The following ENG variants were observed in gnomAD, a reference collection of about 807,000 sequenced individuals.
ENG encodes the protein CD105 antigen.
Under a neutral mutation model 71.0 loss-of-function variants are expected in ENG, and 17 were observed. The observed-to-expected ratio is 0.24, with a 90% confidence interval of 0.16 to 0.36. The LOEUF (loss-of-function observed/expected upper bound fraction) is 0.36, where lower values mean the gene tolerates loss of function less well. ENG is among the 10% of genes least tolerant of loss of function. The pLI is 1.00. For synonymous variants in ENG, 360 were observed against 366.9 expected (o/e 0.98, Z 0.21); for missense variants, 749 against 868.3 (o/e 0.86, Z 1.73).
intron 2 of ENG, among the ~76,000 whole-genome samples, chr9:127,835,251 G>A (rs533791532): frequency 2.6e-5 from 4 of 151,158 alleles, no homozygotes; most frequent in Non-Finnish European, 5.9e-5. Flanking sequence ...CACCCACCTC[G>A]GCCTCCCAAA....
At position 127,818,781 on chromosome 9, in the gene ENG, A is replaced by G; in HGVS notation, c.1363T>C (p.Tyr455His). Residue 455 changes from tyrosine to histidine, a missense_variant, in exon 11 of 15, where the codon TAC (tyrosine) becomes CAC (histidine). Physicochemically the swap from Tyr to His is moderately conservative, Grantham distance 83 (BLOSUM62 2). Coordinates refer to ENST00000373203, the MANE Select transcript of ENG (RefSeq NM_001114753.3). The stretch of plus-strand genomic sequence containing the variant: ...GCCTGGAGGAAGTGTGGGCTGAGGT[A>G]GAGGCCCAGCTGGAAAGAGAGGCTG... ...MDSLSFQLGLYLSPHFLQASN... is the reference protein window; with the variant it reads ...MDSLSFQLGLHLSPHFLQASN... The G allele has an allele frequency of 1.9e-6, 3 of 1,614,104 alleles. No individual in the cohort carries two copies. The highest frequency in any genetic ancestry group is 2.5e-6 in the Non-Finnish European group (3 of 1,180,008).
At chr9:127,831,393 T>G (rs1019671869) in intron 2 of ENG, among the ~76,000 whole-genome samples, 2 of 149,948 alleles carry the variant, frequency 1.3e-5, no homozygotes, top group African/African-American at 4.9e-5. Context: ...TTTTTTTTTC[T>G]TTTTTTTTCT....
rs892562527 is a variant in ENG, at chr9:127,838,799, C to G, written c.219+4295G>C. 1.3e-5 allele frequency among the ~76,000 whole-genome samples: 2 copies of G among 152,152 alleles called. No individual in the cohort carries two copies. Among genetic ancestry groups the G allele is most frequent in the African/African-American group, 4.8e-5 (2 of 41,434 alleles). Reference sequence around the variant, plus strand: ...TCCGGCCTGCCCTTCAGGGACCCAGCGAGATCCAGCCCCTGCCCAGCGGGG... The same window carrying G: ...TCCGGCCTGCCCTTCAGGGACCCAGGGAGATCCAGCCCCTGCCCAGCGGGG... On this transcript the variant is annotated intron_variant, in intron 2 of 14. Coordinates refer to ENST00000373203, the MANE Select transcript of ENG (RefSeq NM_001114753.3). This position sits in a 1 kb window ranked among gnomAD's most constrained non-coding sequence, Gnocchi z 4.3.
intron 8 of ENG, among the ~76,000 whole-genome samples, 190 bp from the exon 9 acceptor site, chr9:127,820,227 C>A (rs1830438533): frequency 6.6e-6 from 1 of 152,138 alleles, no homozygotes; most frequent in Admixed American, 6.5e-5. Flanking sequence ...GAGATGGAGT[C>A]TCACTCTTTT....
intron 1 of ENG, among the ~76,000 whole-genome samples, chr9:127,852,814 G>C (rs958440178): frequency 1.3e-5 from 2 of 151,938 alleles, no homozygotes; most frequent in South Asian, 2.1e-4. Flanking sequence ...GCTACAAATT[G>C]AGCTCCCCAC....
At chr9:127,847,698 T>C (rs1029772131) in intron 1 of ENG, among the ~76,000 whole-genome samples, 2 of 151,920 alleles carry the variant, frequency 1.3e-5, no homozygotes, top group African/African-American at 4.8e-5. Context: ...AATCCACCCA[T>C]CTCAGCCTCC....
At chr9:127,843,052 C>A (rs1400765792) in intron 2 of ENG, 42 bp downstream of exon 2, 7 of 1,613,022 alleles carry the variant, frequency 4.3e-6, no homozygotes, top group Non-Finnish European at 5.9e-6. Flanking sequence ...TGCCTTGGAG[C>A]TTCCTCTGAG....
chr9:127,853,398 G>A (rs958166390), intron 1 of ENG, among the ~76,000 whole-genome samples: 11 of 152,204 alleles, frequency 7.2e-5, no homozygotes, highest in Non-Finnish European at 1.5e-4. Flanking sequence ...GATGTCCACA[G>A]GACCGGCCAG....
chr9:127,825,016 A>G, intron 6 of ENG, 42 bp from the exon 7 acceptor site: 1 of 1,603,046 alleles, frequency 6.2e-7, no homozygotes, highest in South Asian at 1.1e-5. Flanking sequence ...CCATGGACAC[A>G]GTCTGTGCCA....
intron 2 of ENG, among the ~76,000 whole-genome samples, chr9:127,837,247 C>G (rs947911637): frequency 6.6e-6 from 1 of 152,174 alleles, no homozygotes; most frequent in Admixed American, 6.5e-5. Context: ...GGCATCCTAT[C>G]TCTGAGCCTC....
intron 2 of ENG, among the ~76,000 whole-genome samples, chr9:127,832,141 C>T (rs935390255): frequency 2.9e-5 from 4 of 138,424 alleles, no homozygotes; most frequent in African/African-American, 1.1e-4. Flanking sequence ...AGTGGCACAA[C>T]CTCGGCTCAC....
intron 2 of ENG, among the ~76,000 whole-genome samples, chr9:127,835,563 G>A (rs1353542467): frequency 1.3e-5 from 2 of 152,150 alleles, no homozygotes; most frequent in African/African-American, 4.8e-5. Context: ...GCCATCCCAT[G>A]GTGACACCCA....
intron 1 of ENG, among the ~76,000 whole-genome samples, chr9:127,850,944 C>T (rs532892053): frequency 6.6e-6 from 1 of 152,180 alleles, no homozygotes; most frequent in East Asian, 1.9e-4. Context: ...TCCAGAAGTG[C>T]AAGAGGATGG....
intron 8 of ENG, among the ~76,000 whole-genome samples, chr9:127,823,716 CTG>C (rs1169013997): frequency 7.7e-6 from 1 of 129,662 alleles, no homozygotes; most frequent in African/African-American, 2.9e-5. Context: ...GAGTCTCACT[CTG>C]TTGCCCAGGC....
chr9:127,818,938 C>CT, intron 10 of ENG, 106 bp from the exon 11 acceptor site: 3 of 880,752 alleles, frequency 3.4e-6, no homozygotes, highest in East Asian at 2.5e-5. Context: ...TTGCCTGACT[C>CT]TCTTTTTTTT....
intron 1 of ENG, among the ~76,000 whole-genome samples, chr9:127,852,769 G>A (rs1025522639): frequency 5.3e-5 from 8 of 152,002 alleles, no homozygotes; most frequent in African/African-American, 1.7e-4. Context: ...GAAGTCAGCC[G>A]GGTGGGAGTA....
At position 127,826,484 on chromosome 9, in the gene ENG, C is replaced by A. The variant is rs766620006; in HGVS notation, c.523+26G>T. 10 of 1,613,640 alleles carry A rather than the reference C, an allele frequency of 6.2e-6. No homozygotes were observed. In the Admixed American group the frequency reaches 1.7e-4, roughly 27 times the overall value. Reference sequence around the variant, plus strand: ...ATTCCTCCTGAGCAGTATCATGAGCCCAGAGAGGTTGCTGGGGAAACTGAC... The same window carrying A: ...ATTCCTCCTGAGCAGTATCATGAGCACAGAGAGGTTGCTGGGGAAACTGAC... On this transcript the variant is annotated intron_variant, in intron 4 of 14. Transcript: ENST00000373203.
intron 9 of ENG, 107 bp from the exon 10 acceptor site, chr9:127,819,767 C>A: frequency 1.3e-6 from 2 of 1,597,834 alleles, no homozygotes; most frequent in South Asian, 2.2e-5. Flanking sequence ...CAACCAATGG[C>A]CAAGCTTGTC....
At chr9:127,835,981 G>T (rs899545114) in intron 2 of ENG, among the ~76,000 whole-genome samples, 3 of 152,154 alleles carry the variant, frequency 2.0e-5, no homozygotes, top group Non-Finnish European at 4.4e-5. Flanking sequence ...GGGAAACTCA[G>T]GGGGGCTGGA....
Sources: allele counts gnomAD v4.1 joint callset (sites outside exome capture counted in the v4.1 genomes callset), GRCh38; gene constraint gnomAD v4.1.1; non-coding constraint Gnocchi (gnomAD v3.1); transcripts MANE v1.5; gene names NCBI Gene and HGNC (gene_info 2026-07-23, HGNC 2026-07-21).